Variants in FN1 observed in about 807,000 individuals in gnomAD.
FN1 encodes fibronectin.
A neutral mutation model predicts 297.3 loss-of-function variants in FN1; 106 were observed. The observed-to-expected ratio is 0.36, with a 90% CI of 0.30 to 0.42. The LOEUF is 0.42. Ranked by LOEUF, FN1 falls within the 10% of genes least tolerant of loss-of-function variation. The probability of loss-of-function intolerance (pLI) is 1.00; values close to 1 mark genes in which losing one functional copy is unlikely to be tolerated. For synonymous variants in FN1, 1,149 were observed against 1,152.6 expected (o/e 1.00, Z 0.06); for missense variants, 2,690 against 3,124.9 (o/e 0.86, Z 3.32).
intron 2 of FN1, 67 bp downstream of exon 2, chr2:215,434,629 T>G: frequency 7.0e-6 from 11 of 1,577,202 alleles, no homozygotes; most frequent in Non-Finnish European, 9.6e-6. Flanking sequence ...TACTTACTAA[T>G]GCAAAGTTTA....
chr2:215,406,817 C>T (rs548169260), intron 18 of FN1, among the ~76,000 whole-genome samples: 7 of 152,170 alleles, frequency 4.6e-5, no homozygotes, highest in Admixed American at 4.6e-4. Flanking sequence ...GAAATAACTG[C>T]AGAAAATAAT....
chr2:215,435,725 G>A lies in FN1; in HGVS notation c.78C>T (p.Ala26=). 1 of 1,610,188 alleles carries A rather than the reference G, an allele frequency of 6.2e-7. No homozygotes were observed. The highest frequency in any genetic ancestry group is 8.5e-7 in the Non-Finnish European group (1 of 1,178,764). ...GCTGAGCCTGCCTCTTGCTCTTCGAGGCTCCCGTGGAGGGCACCGCTGTCC... is the reference window on the plus strand; with the variant it reads ...GCTGAGCCTGCCTCTTGCTCTTCGAAGCTCCCGTGGAGGGCACCGCTGTCC... The part of the protein sequence containing the change: ...CLGTAVPSTG[A]SKSKRQAQQM... The change falls in exon 1 of 46, where the codon GCC becomes GCT. Residue 26 remains alanine (A), a synonymous_variant. Coordinates refer to ENST00000354785, the MANE Select transcript of FN1 (RefSeq NM_212482.4).
At chr2:215,364,621 C>T (rs776322159) in intron 44 of FN1, 74 of 559,170 alleles carry the variant, frequency 1.3e-4, no homozygotes, top group African/African-American at 9.8e-4. Context: ...TTAAGAATGA[C>T]TCAAGACTTG....
At chr2:215,363,323 C>G (rs1237092293) in intron 44 of FN1, 1 of 152,146 alleles carries the variant, frequency 6.6e-6, no homozygotes, top group Admixed American at 6.5e-5. Context: ...CAATTTCATA[C>G]CAGAATGACT....
At chr2:215,432,022 C>G in intron 3 of FN1, 58 bp from the exon 4 acceptor site, 1 of 1,600,364 alleles carries the variant, frequency 6.2e-7, no homozygotes, top group Non-Finnish European at 8.6e-7. Context: ...TTTTTTTGGT[C>G]TCATATTCCA....
chr2:215,422,034 G>C, intron 10 of FN1, 57 bp downstream of exon 10: 2 of 1,547,888 alleles, frequency 1.3e-6, no homozygotes, highest in South Asian at 2.2e-5. Context: ...ATAAAAAAAA[G>C]TGTCCCTTTC....
chr2:215,362,221 T>C (rs1170338358), intron 44 of FN1, 142 bp from the exon 45 acceptor site: 1 of 693,542 alleles, frequency 1.4e-6, no homozygotes, highest in Non-Finnish European at 2.6e-6. Context: ...GCTTTGATGA[T>C]GATTTCATGC....
At chr2:215,373,274 A>G (rs1559350636) in intron 39 of FN1, 48 bp downstream of exon 39, 1 of 1,412,532 alleles carries the variant, frequency 7.1e-7, no homozygotes. Context: ...CTCATTTGTT[A>G]TTAGTTTTGT....
intron 7 of FN1, 132 bp from the exon 8 acceptor site, chr2:215,424,457 T>C (rs2064983936): frequency 1.4e-6 from 1 of 716,830 alleles, no homozygotes; most frequent in Non-Finnish European, 2.4e-6. Context: ...TAGATGATCA[T>C]CTCGTTAATT....
At chr2:215,420,882 T>C (rs558775183) in intron 10 of FN1, 81 bp from the exon 11 acceptor site, 1 of 1,239,838 alleles carries the variant, frequency 8.1e-7, no homozygotes, top group Admixed American at 1.7e-5. Flanking sequence ...TCTCAAAGCA[T>C]ACAACTACTT....
In FN1 at chr2:215,361,140, G is replaced by T. The variant is rs995392692; in HGVS notation, c.*415C>A. ...ATATCACAGTAACAAGATCATGCTT[G>T]TTCCTACAGTATTGCGGGCCAGACA... On this transcript the variant is annotated 3_prime_UTR_variant, in exon 46 of 46. Transcript: ENST00000354785. 2 of 194,122 alleles carry T rather than the reference G, an allele frequency of 1.0e-5. No individual in the cohort carries two copies. Among genetic ancestry groups the T allele is most frequent in the Non-Finnish European group, 2.2e-5 (2 of 92,976 alleles). The allele number at this position is 194,122 out of a possible 1,614,324, so 12.0% of individuals were successfully genotyped here. A position where few individuals can be genotyped will look rare whatever the true frequency, so the allele number is the denominator to read the frequency against.
At chr2:215,431,787 T>TAG in intron 4 of FN1, 46 bp downstream of exon 4, 1 of 1,608,814 alleles carries the variant, frequency 6.2e-7, no homozygotes, top group Non-Finnish European at 8.5e-7. Context: ...AACCCCACAT[T>TAG]AGAACTAAGC....
chr2:215,383,590 G>A (rs2058502643), intron 30 of FN1, 107 bp from the exon 31 acceptor site: 1 of 1,144,926 alleles, frequency 8.7e-7, no homozygotes, highest in Non-Finnish European at 1.3e-6. Flanking sequence ...TCGCTTACAT[G>A]AGAAAGGTAT....
intron 20 of FN1, among the ~76,000 whole-genome samples, chr2:215,399,722 C>G (rs1156444782): frequency 6.6e-6 from 1 of 152,114 alleles, no homozygotes; most frequent in African/African-American, 2.4e-5. Flanking sequence ...TAATCTAATT[C>G]ATGTCTTTTT....
chr2:215,394,538 G>A lies in FN1; in HGVS notation c.3786C>T (p.Thr1262=). 6.2e-7 allele frequency: 1 copy of A among 1,612,522 alleles called. No homozygotes were observed. The highest frequency in any genetic ancestry group is 8.5e-7 in the Non-Finnish European group (1 of 1,178,720). Residue 1262 remains threonine, a synonymous_variant, in exon 24 of 46, where the codon ACC becomes ACT. Transcript: ENST00000354785. ...DDKESVPISD[T]IIPEVPQLTD... ...TTATTTTTCTATTACCTGGGATGAT[G>A]GTATCAGAGATAGGGACACTTTCCT...
intron 20 of FN1, among the ~76,000 whole-genome samples, chr2:215,401,065 G>A (rs2060952715): frequency 1.4e-5 from 2 of 140,126 alleles, no homozygotes; most frequent in South Asian, 2.3e-4. Flanking sequence ...CAAAGTGCTG[G>A]AATTACAGGC....
chr2:215,425,334 T>G (rs771391172), intron 6 of FN1, 49 bp from the exon 7 acceptor site: 14 of 1,544,460 alleles, frequency 9.1e-6, no homozygotes, highest in Non-Finnish European at 1.2e-5. Context: ...GAGAAGACAA[T>G]TCACTACTTT....
chr2:215,425,414 GA>G, intron 6 of FN1, 129 bp from the exon 7 acceptor site: 12 of 908,094 alleles, frequency 1.3e-5, no homozygotes, highest in Admixed American at 2.0e-5. Flanking sequence ...CCTGGGACTG[GA>G]AAAAAATGTC....
intron 31 of FN1, among the ~76,000 whole-genome samples, chr2:215,383,055 A>G (rs1223748739): frequency 1.4e-5 from 2 of 147,798 alleles, no homozygotes; most frequent in Non-Finnish European, 3.0e-5. Flanking sequence ...CCCAGGCTGG[A>G]GTGCAGTGGG....
Sources: allele counts gnomAD v4.1 joint callset (sites outside exome capture counted in the v4.1 genomes callset), GRCh38; gene constraint gnomAD v4.1.1; transcripts MANE v1.5; gene names NCBI Gene and HGNC (gene_info 2026-07-23, HGNC 2026-07-21).